Variants in ARAP1 observed in about 807,000 individuals in gnomAD.
The protein encoded by ARAP1 is ArfGAP with RhoGAP domain, ankyrin repeat and PH domain 1, also known as arf-GAP with Rho-GAP domain, ANK repeat and PH domain-containing protein 1.
ARAP1 carries 76 observed loss-of-function variants against 172.2 expected under a neutral mutation model. That is an observed-to-expected ratio of 0.44 (90% CI 0.37 to 0.53). ARAP1 has a LOEUF of 0.53. ARAP1 is among the 20% of genes least tolerant of loss of function. The pLI, the probability that ARAP1 is intolerant of heterozygous loss-of-function variation, is 0.00. For missense variants in ARAP1, 1,686 were observed against 1,977.5 expected (o/e 0.85, Z 2.80); for synonymous variants, 804 against 803.3 (o/e 1.00, Z -0.01).
At chr11:72,714,390 G>C in intron 3 of ARAP1, 69 bp from the exon 4 acceptor site, 2 of 1,473,280 alleles carry the variant, frequency 1.4e-6, no homozygotes, top group African/African-American at 2.9e-5. Flanking sequence ...TGAGCCCCCA[G>C]CTCACCTGAA....
rs1857679770 is a variant in ARAP1, at chr11:72,726,080, A to C, written c.509+540T>G. 6.6e-6 allele frequency among the ~76,000 whole-genome samples: 1 copy of C among 152,176 alleles called. No individual in the cohort carries two copies. Among genetic ancestry groups the C allele is most frequent in the Non-Finnish European group, 1.5e-5 (1 of 68,022 alleles). On this transcript the variant is annotated intron_variant, in intron 3 of 34. Coordinates refer to ENST00000393609, the MANE Select transcript of ARAP1 (RefSeq NM_001040118.3). This position sits in a 1 kb window ranked among gnomAD's most constrained non-coding sequence, Gnocchi z 6.5. ...GGAAACAGTTCTGAGGAGGGAGGGC[A>C]TGCCAGATGAGGCCTGAGAAGTGTC...
Position 72,714,266 on chromosome 11 carries a change from G to C in ARAP1, c.565C>G (p.Pro189Ala). ...LLPSLSSPPQPQSEEPLSTLP... is the reference protein window; with the variant it reads ...LLPSLSSPPQAQSEEPLSTLP... ...GTGGACAGGGGCTCCTCAGACTGTG[G>C]CTGGGGAGGGGATGATAATGATGGC... The change falls in exon 4 of 35, where the codon CCA (proline) becomes GCA (alanine). Residue 189 changes from proline to alanine, a missense_variant. Pro to Ala is a conservative substitution (Grantham distance 27). Transcript: ENST00000393609. 1.9e-6 allele frequency: 3 copies of C among 1,543,154 alleles called. No homozygotes were observed. In the East Asian group the frequency reaches 7.5e-5, roughly 38 times the overall value.
At position 72,714,153 on chromosome 11, in the gene ARAP1, G is replaced by T; in HGVS notation, c.678C>A (p.Phe226Leu). 1 of 1,480,140 alleles carries T rather than the reference G, an allele frequency of 6.8e-7. No homozygotes were observed. 91.7% of individuals were successfully genotyped at this position (1,480,140 alleles called of 1,614,324 possible). The change falls in exon 4 of 35, where the codon TTC becomes TTA. Residue 226 changes from phenylalanine (F) to leucine (L), a missense_variant and splice_region_variant. Physicochemically the swap from Phe to Leu is conservative, Grantham distance 22 (BLOSUM62 0). This residue lies in a region of ARAP1 where 155 missense variants were observed against 129.2 expected (regional missense o/e 1.20). Coordinates refer to ENST00000393609, the MANE Select transcript of ARAP1 (RefSeq NM_001040118.3). ...PPKPVRLFPE[F>L]DDSDYDEVPE... The stretch of plus-strand genomic sequence containing the variant: ...CCATCTCCTGGCTGCAGCACTCACC[G>T]AACTCTGGGAACAGGCGTACCGGCT...
rs539702295 is a variant in ARAP1, at chr11:72,693,925, C to T, written c.3695-120G>A. 103 of 732,234 alleles carry T rather than the reference C, an allele frequency of 1.4e-4. No individual in the cohort carries two copies. The highest frequency in any genetic ancestry group is 2.1e-4 in the Non-Finnish European group (93 of 453,518). 45.4% of individuals were successfully genotyped at this position (732,234 alleles called of 1,614,324 possible). A position where few individuals can be genotyped will look rare whatever the true frequency, so the allele number is the denominator to read the frequency against. On this transcript the variant is annotated intron_variant, in intron 27 of 34. Transcript: ENST00000393609. This position sits in a 1 kb window ranked among gnomAD's most constrained non-coding sequence, Gnocchi z 4.6. ...CCACTCCAACCATATGCAAGTGCCA[C>T]GACACAAAACACCACCATCATGACC... is the stretch of plus-strand genomic sequence containing the variant.
rs1357483488 is a variant in ARAP1 at position 72,685,254 on chromosome 11, C to A, written c.*410G>T. 1 of 229,032 alleles carries A rather than the reference C, an allele frequency of 4.4e-6. No homozygotes were observed. Among genetic ancestry groups the A allele is most frequent in the East Asian group, 1.2e-4 (1 of 8,642 alleles). 14.2% of individuals were successfully genotyped at this position (229,032 alleles called of 1,614,324 possible). The stretch of plus-strand genomic sequence containing the variant: ...TCCCCGTGAGCTGAGTGCTCCTCTA[C>A]AGCACCCGCTTTCTGCTGTTCTGGA... On this transcript the variant is annotated 3_prime_UTR_variant, in exon 35 of 35. Coordinates refer to ENST00000393609, the MANE Select transcript of ARAP1 (RefSeq NM_001040118.3).
chr11:72,703,605 G>T (rs1375012559), intron 14 of ARAP1, among the ~76,000 whole-genome samples: 2 of 152,134 alleles, frequency 1.3e-5, no homozygotes, highest in Admixed American at 6.5e-5. Context: ...GAGTCTGCCT[G>T]GGAGGGGCGG....
At chr11:72,696,244 G>C (rs957672514) in intron 23 of ARAP1, among the ~76,000 whole-genome samples, 1 of 152,142 alleles carries the variant, frequency 6.6e-6, no homozygotes, top group South Asian at 2.1e-4. Flanking sequence ...ATAGAGTTCC[G>C]ATCCTTTGAG....
At position 72,685,513 on chromosome 11, in the gene ARAP1, C is replaced by A. The variant is rs1262484637; in HGVS notation, c.*151G>T. On this transcript the variant is annotated 3_prime_UTR_variant, in exon 35 of 35. Transcript: ENST00000393609. ...TGCCTCCCACCCCTGCCGGGGAACC[C>A]CATGCTGCAGTCAGGATGGAGGATG... 2 of 1,124,814 alleles carry A rather than the reference C, an allele frequency of 1.8e-6. No homozygotes were observed. Among genetic ancestry groups the A allele is most frequent in the Non-Finnish European group, 2.6e-6 (2 of 762,016 alleles). 69.7% of individuals were successfully genotyped at this position (1,124,814 alleles called of 1,614,324 possible). A position where few individuals can be genotyped will look rare whatever the true frequency, so the allele number is the denominator to read the frequency against.
At chr11:72,737,722 A>T (rs1858075606) in intron 1 of ARAP1, among the ~76,000 whole-genome samples, 1 of 151,830 alleles carries the variant, frequency 6.6e-6, no homozygotes, top group South Asian at 2.1e-4. Flanking sequence ...TCCTGGGCTC[A>T]AGTGATCCTC....
rs76695646 is a variant in ARAP1, at chr11:72,739,433, G to A, written c.-127-6836C>T. Among the ~76,000 whole-genome samples the A allele has an allele frequency of 8.5e-3, 1,300 of 152,196 alleles. 20 individuals are homozygous for A. The highest frequency in any genetic ancestry group is 0.029 in the African/African-American group (1,220 of 41,528). ...GACTGAGTGGGACCCCAGAGCCGGG[G>A]GAATGAAGAGCTGCCTCAGCTTGCT... On this transcript the variant is annotated intron_variant, in intron 1 of 34. Coordinates refer to ENST00000393609, the MANE Select transcript of ARAP1 (RefSeq NM_001040118.3).
chr11:72,738,466 A>G (rs1021545080), intron 1 of ARAP1, among the ~76,000 whole-genome samples: 3 of 151,952 alleles, frequency 2.0e-5, no homozygotes, highest in Admixed American at 2.0e-4. Flanking sequence ...TCCCCTCCGC[A>G]CAGGCCTCTG....
At position 72,714,156 on chromosome 11, in the gene ARAP1, C is replaced by T; in HGVS notation, c.675G>A (p.Glu225=). 1 of 1,484,740 alleles carries T rather than the reference C, an allele frequency of 6.7e-7. No individual in the cohort carries two copies. Among genetic ancestry groups the T allele is most frequent in the South Asian group, 1.4e-5 (1 of 72,702 alleles). 92.0% of individuals were successfully genotyped at this position (1,484,740 alleles called of 1,614,324 possible). A position where few individuals can be genotyped will look rare whatever the true frequency, so the allele number is the denominator to read the frequency against. The part of the protein sequence containing the change: ...IPPKPVRLFP[E]FDDSDYDEVP... ...TCTCCTGGCTGCAGCACTCACCGAA[C>T]TCTGGGAACAGGCGTACCGGCTTTG... The change falls in exon 4 of 35, where the codon GAG becomes GAA. Residue 225 remains glutamate, a synonymous_variant. Transcript: ENST00000393609.
Position 72,713,803 on chromosome 11 carries a change from C to A in ARAP1, c.679+349G>T, listed in dbSNP as rs7125629. ...CAGAGCTTGCAGTGGGCGGAGATTG[C>A]ACCACTGCACTCCAGCCTGGGCGAC... On this transcript the variant is annotated intron_variant, in intron 4 of 34. Coordinates refer to ENST00000393609, the MANE Select transcript of ARAP1 (RefSeq NM_001040118.3). Among the ~76,000 whole-genome samples, 1,194 of 149,856 alleles carry A rather than the reference C, an allele frequency of 8.0e-3. 19 individuals carry two copies. Among genetic ancestry groups the A allele is most frequent in the African/African-American group, 0.026 (1,068 of 40,608 alleles).
chr11:72,696,466 C>T (rs1856197339), intron 23 of ARAP1, 83 bp downstream of exon 23: 2 of 1,171,628 alleles, frequency 1.7e-6, no homozygotes, highest in Non-Finnish European at 1.2e-6. Flanking sequence ...AGCTGGCTCC[C>T]AGAGGAGGGT....
At chr11:72,692,810 T>G in intron 29 of ARAP1, 25 bp from the exon 30 acceptor site, 1 of 1,612,954 alleles carries the variant, frequency 6.2e-7, no homozygotes, top group African/African-American at 1.3e-5. Context: ...ATCAGGGTTA[T>G]GGAAGAAGTC....
chr11:72,692,270 T>C (rs1023168769), intron 30 of ARAP1, among the ~76,000 whole-genome samples: 6 of 151,946 alleles, frequency 3.9e-5, no homozygotes, highest in Non-Finnish European at 5.9e-5. Context: ...AGAGTGGAAA[T>C]AGCCAGCCAG....
At chr11:72,691,229 A>G (rs1430215242) in intron 30 of ARAP1, among the ~76,000 whole-genome samples, 1 of 152,260 alleles carries the variant, frequency 6.6e-6, no homozygotes, top group Non-Finnish European at 1.5e-5. Flanking sequence ...CTCAGAGAAC[A>G]GTAGTAAGGA....
In ARAP1 at chr11:72,727,781, A is replaced by C. The variant is rs77501417; in HGVS notation, c.-44-609T>G. On this transcript the variant is annotated intron_variant, in intron 2 of 34. Coordinates refer to ENST00000393609, the MANE Select transcript of ARAP1 (RefSeq NM_001040118.3). ...GGGGGCCTGGCCCTGGAATTGGGTA[A>C]ACCCTCCCATCACTAAGGCCATTCA... Among the ~76,000 whole-genome samples the C allele has an allele frequency of 7.1e-3, 1,085 of 152,346 alleles. 17 individuals carry two copies. Among genetic ancestry groups the C allele is most frequent in the African/African-American group, 0.025 (1,021 of 41,576 alleles).
intron 14 of ARAP1, 48 bp downstream of exon 14, chr11:72,704,104 G>A: frequency 1.4e-5 from 22 of 1,610,994 alleles, no homozygotes; most frequent in Non-Finnish European, 1.8e-5. Context: ...CAGGGCAGCA[G>A]AAAGACGGGG....
Sources: allele counts gnomAD v4.1 joint callset (sites outside exome capture counted in the v4.1 genomes callset), GRCh38; gene constraint gnomAD v4.1.1; regional missense constraint gnomAD v4.1.1; non-coding constraint Gnocchi (gnomAD v3.1); transcripts MANE v1.5; gene names NCBI Gene and HGNC (gene_info 2026-07-23, HGNC 2026-07-21).